ANK3: variants seen among roughly 807,000 people sequenced by gnomAD.
ANK3 encodes ankyrin-3.
Under a neutral mutation model 370.9 loss-of-function variants are expected in ANK3, and 57 were observed. The ratio of observed to expected loss-of-function variants is 0.15; its 90% CI spans 0.12 to 0.19. The LOEUF (loss-of-function observed/expected upper bound fraction) is 0.19, where lower values mean the gene tolerates loss of function less well. ANK3 is among the 10% of genes least tolerant of loss of function. ANK3 has a pLI of 1.00. For synonymous variants in ANK3, 1,929 were observed against 1,946.3 expected (o/e 0.99, Z 0.23); for missense variants, 4,439 against 5,302.1 (o/e 0.84, Z 5.06).
In ANK3 at chr10:60,506,084, G is replaced by A. The variant is rs28396654; in HGVS notation, c.96+109102C>T. ...CACAACAGAAGAGAAAAAAGGACTG[G>A]GTGATTATTTTATATTTTTTAAAAT... is the stretch of plus-strand genomic sequence containing the variant. On this transcript the variant is annotated intron_variant, in intron 2 of 43. Transcript: ENST00000373827. 5.4e-3 allele frequency among the ~76,000 whole-genome samples: 826 copies of A among 151,948 alleles called. 8 individuals carry two copies. The highest frequency in any genetic ancestry group is 0.017 in the African/African-American group (713 of 41,450).
intron 1 of ANK3, among the ~76,000 whole-genome samples, chr10:60,304,196 A>G (rs1179438537): frequency 6.6e-6 from 1 of 152,126 alleles, no homozygotes; most frequent in African/African-American, 2.4e-5. Context: ...ATGTGAATAT[A>G]GTTAACCATG....
At chr10:60,532,664 T>C (rs1348038344) in intron 2 of ANK3, among the ~76,000 whole-genome samples, 1 of 152,096 alleles carries the variant, frequency 6.6e-6, no homozygotes, top group African/African-American at 2.4e-5. Flanking sequence ...TTTGGTGATA[T>C]GGATGATGAT....
chr10:60,704,601 G>T (rs1043670059), intron 1 of ANK3, among the ~76,000 whole-genome samples: 2 of 152,154 alleles, frequency 1.3e-5, no homozygotes, highest in African/African-American at 4.8e-5. Context: ...TAATAACGTT[G>T]TCCTCCTGAC....
chr10:60,719,283 A>G (rs1468794683), intron 1 of ANK3, among the ~76,000 whole-genome samples: 1 of 152,132 alleles, frequency 6.6e-6, no homozygotes, highest in Non-Finnish European at 1.5e-5. Context: ...TTTTTGCTTT[A>G]CAAACACTGT....
intron 2 of ANK3, among the ~76,000 whole-genome samples, chr10:60,424,013 C>A (rs894484857): frequency 1.3e-5 from 2 of 152,026 alleles, no homozygotes; most frequent in African/African-American, 4.8e-5. Flanking sequence ...CAGATTTTGT[C>A]AAGGAATTTT....
chr10:60,530,599 T>A (rs1040479258), intron 2 of ANK3, among the ~76,000 whole-genome samples: 1 of 152,154 alleles, frequency 6.6e-6, no homozygotes, highest in Non-Finnish European at 1.5e-5. Context: ...TTTGTTGCCC[T>A]ATGTGCCTTC....
intron 7 of ANK3, among the ~76,000 whole-genome samples, chr10:60,246,286 A>AAAAAAAAAAG (rs1565961708): frequency 8.9e-5 from 11 of 123,546 alleles, no homozygotes; most frequent in East Asian, 3.5e-4. Flanking sequence ...AAAAAAGAAA[A>AAAAAAAAAAG]AAGAAAAAAA....
intron 2 of ANK3, among the ~76,000 whole-genome samples, chr10:60,493,169 G>T (rs542071429): frequency 2.0e-5 from 3 of 152,128 alleles, no homozygotes; most frequent in African/African-American, 4.8e-5. Flanking sequence ...TCATTTACAT[G>T]CTAAAGAGGT....
At chr10:60,109,201 G>T in intron 26 of ANK3, 147 bp from the exon 27 acceptor site, 1 of 663,294 alleles carries the variant, frequency 1.5e-6, no homozygotes, top group Non-Finnish European at 2.5e-6. Flanking sequence ...TCAATACAGT[G>T]GAGTCACATC....
chr10:60,293,555 G>A (rs1348751843), intron 1 of ANK3, among the ~76,000 whole-genome samples: 1 of 152,120 alleles, frequency 6.6e-6, no homozygotes, highest in African/African-American at 2.4e-5. Context: ...TAGAGAAAGT[G>A]CTGAAAATAG....
intron 1 of ANK3, among the ~76,000 whole-genome samples, chr10:60,387,663 C>A (rs1297832780): frequency 6.6e-6 from 1 of 152,164 alleles, no homozygotes; most frequent in Admixed American, 6.5e-5. Context: ...TGATATTTCT[C>A]CTTGTTCCCT....
At chr10:60,416,817 G>A (rs1288401691) in intron 2 of ANK3, among the ~76,000 whole-genome samples, 1 of 152,154 alleles carries the variant, frequency 6.6e-6, no homozygotes, top group African/African-American at 2.4e-5. Flanking sequence ...GTGATGTTCT[G>A]TATCTTCATT....
intron 2 of ANK3, among the ~76,000 whole-genome samples, chr10:60,487,719 C>CTTTTTTT (rs2075385055): frequency 7.3e-5 from 7 of 96,518 alleles, no homozygotes; most frequent in African/African-American, 7.5e-5. Context: ...GATGATGTTG[C>CTTTTTTT]ATTTTTTTTT....
intron 2 of ANK3, among the ~76,000 whole-genome samples, chr10:60,570,624 T>A (rs2077571264): frequency 6.6e-6 from 1 of 152,152 alleles, no homozygotes; most frequent in Non-Finnish European, 1.5e-5. Context: ...TCAGGCCCTA[T>A]GGTCAGGAAT....
chr10:60,351,140 C>T (rs2056780967), intron 1 of ANK3, among the ~76,000 whole-genome samples: 1 of 152,032 alleles, frequency 6.6e-6, no homozygotes, highest in Non-Finnish European at 1.5e-5. Flanking sequence ...GTTACTATGA[C>T]CACAAACATT....
intron 10 of ANK3, among the ~76,000 whole-genome samples, chr10:60,206,192 G>C (rs903095523): frequency 9.9e-5 from 15 of 152,108 alleles, no homozygotes; most frequent in Non-Finnish European, 2.1e-4. Context: ...TATGTCTCAG[G>C]CTGGGTGTGG....
At chr10:60,317,215 C>G (rs1156452921) in intron 1 of ANK3, among the ~76,000 whole-genome samples, 1 of 151,926 alleles carries the variant, frequency 6.6e-6, no homozygotes, top group East Asian at 1.9e-4. Context: ...ATGTCTGCCT[C>G]CTGGGTTCAA....
In ANK3 at chr10:60,181,406, A is replaced by C; in HGVS notation, c.2107T>G (p.Leu703Val). The C allele has an allele frequency of 1.2e-6, 2 of 1,614,132 alleles. No homozygotes were observed. Among genetic ancestry groups the C allele is most frequent in the Non-Finnish European group, 1.7e-6 (2 of 1,179,992 alleles). The change falls in exon 18 of 44, where the codon TTG becomes GTG. Residue 703 changes from leucine (L) to valine (V), a missense_variant. Transcript: ENST00000280772. ...TTCACTCGATCTTCTTGAGCAGCCA[A>C]ATGGAGTGGGGTCAGGCCGCTCTGC... Reference protein sequence around the residue: ...SNKSGLTPLHLAAQEDRVNVA... With the variant: ...SNKSGLTPLHVAAQEDRVNVA...
At chr10:60,716,373 A>T (rs1004462585) in intron 1 of ANK3, among the ~76,000 whole-genome samples, 11 of 152,122 alleles carry the variant, frequency 7.2e-5, no homozygotes, top group African/African-American at 2.4e-4. Flanking sequence ...CAAAGTATGC[A>T]CTTAAATATA....
Sources: allele counts gnomAD v4.1 joint callset (sites outside exome capture counted in the v4.1 genomes callset), GRCh38; gene constraint gnomAD v4.1.1; transcripts MANE v1.5; gene names NCBI Gene and HGNC (gene_info 2026-07-23, HGNC 2026-07-21).